Variants in PFKFB3 observed in about 807,000 individuals in gnomAD.
The protein encoded by PFKFB3 is 6-phosphofructo-2-kinase/fructose-2,6-bisphosphatase 3.
Under a neutral mutation model 68.0 loss-of-function variants are expected in PFKFB3, and 33 were observed. That is an observed-to-expected ratio of 0.49 (90% CI 0.37 to 0.65). The LOEUF (loss-of-function observed/expected upper bound fraction) is 0.65, where lower values mean the gene tolerates loss of function less well. PFKFB3 is among the 30% of genes least tolerant of loss of function. The probability of loss-of-function intolerance (pLI) is 0.00; values close to 1 mark genes in which losing one functional copy is unlikely to be tolerated. For missense variants in PFKFB3, 586 were observed against 712.2 expected (o/e 0.82, Z 2.02); for synonymous variants, 315 against 288.2 (o/e 1.09, Z -0.94).
chr10:6,145,048 C>G, intron 1 of PFKFB3: 3 of 1,313,716 alleles, frequency 2.3e-6, no homozygotes, highest in Non-Finnish European at 2.9e-6. Flanking sequence ...ACGCCCCCAG[C>G]GCGCGCGGGG....
chr10:6,199,864 C>G (rs544617099), upstream of PFKFB3, among the ~76,000 whole-genome samples: 3 of 151,800 alleles, frequency 2.0e-5, no homozygotes, highest in South Asian at 6.3e-4. Context: ...CTTCTCTGAC[C>G]TTTCCTTCCC....
chr10:6,323,869 A>G, the PFKFB3 span, among the ~76,000 whole-genome samples: 1 of 152,216 alleles, frequency 6.6e-6, no homozygotes, highest in Non-Finnish European at 1.5e-5. Context: ...AAAATGAAAC[A>G]GAGGACTACC....
intron 1 of PFKFB3, among the ~76,000 whole-genome samples, chr10:6,196,699 C>T (rs1843185211): frequency 6.6e-6 from 1 of 152,096 alleles, no homozygotes; most frequent in Admixed American, 6.5e-5. Context: ...TGGTGTCCAC[C>T]CAGACGGAGG....
downstream of PFKFB3, among the ~76,000 whole-genome samples, chr10:6,258,547 C>G (rs1055749308): frequency 6.6e-6 from 1 of 152,218 alleles, no homozygotes; most frequent in African/African-American, 2.4e-5. Context: ...TGCAATTAAA[C>G]ATAATACTGG....
chr10:6,287,764 C>A, the PFKFB3 span, among the ~76,000 whole-genome samples: 4 of 152,104 alleles, frequency 2.6e-5, no homozygotes, highest in Non-Finnish European at 5.9e-5. Flanking sequence ...CTATAATCAC[C>A]AAATACATTA....
At chr10:6,209,795 C>G (rs1263996004) in intron 1 of PFKFB3, among the ~76,000 whole-genome samples, 1 of 134,864 alleles carries the variant, frequency 7.4e-6, no homozygotes, top group East Asian at 2.1e-4. Flanking sequence ...GACGGTGTCT[C>G]ACTCTGTCAC....
At chr10:6,250,203 T>C (rs959330071) in intron 14 of PFKFB3, among the ~76,000 whole-genome samples, 2 of 152,078 alleles carry the variant, frequency 1.3e-5, no homozygotes, top group African/African-American at 2.4e-5. Flanking sequence ...ACACATAAAA[T>C]ATAAGAGATG....
At chr10:6,265,082 ATT>A in the PFKFB3 span, among the ~76,000 whole-genome samples, 9 of 134,482 alleles carry the variant, frequency 6.7e-5, no homozygotes, top group African/African-American at 1.1e-4. Flanking sequence ...TTTTTCTTTC[ATT>A]TTTTTTTTTT....
In PFKFB3 at chr10:6,215,342, G is replaced by A. The variant is rs577929443; in HGVS notation, c.299+25G>A. The A allele has an allele frequency of 4.1e-5, 64 of 1,579,718 alleles. No homozygotes were observed. The highest frequency in any genetic ancestry group is 1.7e-4 in the Middle Eastern group (1 of 5,982). On this transcript the variant is annotated intron_variant, in intron 3 of 14. Coordinates refer to ENST00000379775, the MANE Select transcript of PFKFB3 (RefSeq NM_004566.4). The surrounding 1 kb of genome is among the most constrained non-coding windows in gnomAD (Gnocchi z 4.3). ...AGTAAGGCTGGGCCGCGGGCGTAGG[G>A]CTGGGCTGTGGGAATAAGGCTGGGC...
the PFKFB3 span, among the ~76,000 whole-genome samples, chr10:6,302,540 C>A: frequency 6.7e-6 from 1 of 149,770 alleles, no homozygotes; most frequent in Non-Finnish European, 1.5e-5. Flanking sequence ...TGCCACCACA[C>A]CCAGCTAATT....
the PFKFB3 span, among the ~76,000 whole-genome samples, chr10:6,311,360 C>A: frequency 2.0e-5 from 3 of 152,184 alleles, no homozygotes; most frequent in Non-Finnish European, 4.4e-5. Context: ...GTTCCTGCCA[C>A]CTGTGGCCTT....
chr10:6,200,019 G>GA (rs1382849130), upstream of PFKFB3, among the ~76,000 whole-genome samples: 352 of 148,968 alleles, frequency 2.4e-3, no homozygotes, highest in African/African-American at 8.2e-3. Context: ...AAGCAGAAGG[G>GA]AAAAACAAAA....
chr10:6,220,693 G>A lies in PFKFB3; in HGVS notation c.659G>A (p.Arg220Gln), dbSNP rs140784797. The change falls in exon 8 of 15, where the codon CGG becomes CAG. Residue 220 changes from arginine to glutamine, a missense_variant. Arg to Gln is a conservative substitution (Grantham distance 43). Transcript: ENST00000379775. The surrounding 1 kb of genome is among the most constrained non-coding windows in gnomAD (Gnocchi z 4.1). Reference protein sequence around the residue: ...LSLIKVIDVGRRFLVNRVQDH... With the variant: ...LSLIKVIDVGQRFLVNRVQDH... ...CTGATCAAGGTGATTGACGTGGGCC[G>A]GAGGTTCCTGGTGAACCGGGTGCAG... 59 of 1,613,942 alleles carry A rather than the reference G, an allele frequency of 3.7e-5. No homozygotes were observed. Among genetic ancestry groups the A allele is most frequent in the South Asian group, 9.9e-5 (9 of 91,078 alleles).
the PFKFB3 span, among the ~76,000 whole-genome samples, chr10:6,288,865 G>T: frequency 6.6e-6 from 1 of 152,020 alleles, no homozygotes; most frequent in Admixed American, 6.5e-5. Flanking sequence ...TCCAGCACCT[G>T]TTTTTTCCTG....
intron 14 of PFKFB3, among the ~76,000 whole-genome samples, chr10:6,249,235 G>C (rs576887364): frequency 6.6e-6 from 1 of 151,376 alleles, no homozygotes; most frequent in African/African-American, 2.4e-5. Flanking sequence ...TACACTGTTG[G>C]TGGGAATGTA....
chr10:6,301,811 G>T, the PFKFB3 span, among the ~76,000 whole-genome samples: 3 of 152,112 alleles, frequency 2.0e-5, no homozygotes, highest in Non-Finnish European at 4.4e-5. Context: ...CACTTCCTTC[G>T]TTATGACTAA....
upstream of PFKFB3, among the ~76,000 whole-genome samples, chr10:6,201,081 C>T (rs533944559): frequency 2.0e-5 from 3 of 152,302 alleles, no homozygotes; most frequent in Non-Finnish European, 2.9e-5. The surrounding 1 kb of genome is among the most constrained non-coding windows in gnomAD (Gnocchi z 4.1). Flanking sequence ...ACCGTCATTC[C>T]CCAGGAACCG....
At chr10:6,267,884 G>A in the PFKFB3 span, among the ~76,000 whole-genome samples, 1 of 145,044 alleles carries the variant, frequency 6.9e-6, no homozygotes, top group Non-Finnish European at 1.5e-5. Context: ...GAACCCGGGA[G>A]GCAGAGGTTG....
At chr10:6,312,611 C>A in the PFKFB3 span, among the ~76,000 whole-genome samples, 1 of 152,216 alleles carries the variant, frequency 6.6e-6, no homozygotes, top group South Asian at 2.1e-4. Context: ...GAAAAAAGAT[C>A]TCTGGTTGGT....
Sources: allele counts gnomAD v4.1 joint callset (sites outside exome capture counted in the v4.1 genomes callset), GRCh38; gene constraint gnomAD v4.1.1; non-coding constraint Gnocchi (gnomAD v3.1); transcripts MANE v1.5; gene names NCBI Gene and HGNC (gene_info 2026-07-23, HGNC 2026-07-21).